The following TNS1 variants were observed in gnomAD, a reference collection of about 807,000 sequenced individuals.
The protein encoded by TNS1 is tensin 1.
TNS1 carries 62 observed loss-of-function variants against 168.6 expected under a neutral mutation model. The ratio of observed to expected loss-of-function variants is 0.37; its 90% confidence interval spans 0.30 to 0.45. The LOEUF (loss-of-function observed/expected upper bound fraction) is 0.45, where lower values mean the gene tolerates loss of function less well. Among genes scored for constraint, TNS1 ranks in the 20% least tolerant of loss-of-function variants. TNS1 has a pLI of 1.00. For synonymous variants in TNS1, 934 were observed against 933.2 expected, an observed-to-expected ratio of 1.00 and a Z score of -0.02; for missense variants, 2,240 against 2,339.4, an observed-to-expected ratio of 0.96 and a Z score of 0.88.
At chr2:217,852,805 G>A (rs553636563) in intron 18 of TNS1, among the ~76,000 whole-genome samples, 2 of 152,160 alleles carry the variant, frequency 1.3e-5, no homozygotes, top group East Asian at 1.9e-4. Context: ...TAAGAAAATC[G>A]AACAGATGCA....
In TNS1 at chr2:217,818,609, G is replaced by C. The variant is rs1432456407; in HGVS notation, c.3723C>G (p.Leu1241=). 1 of 1,614,228 alleles carries C rather than the reference G, an allele frequency of 6.2e-7. No homozygotes were observed. Among genetic ancestry groups the C allele is most frequent in the South Asian group, 1.1e-5 (1 of 91,088 alleles). ...AQRNYQSSSP[L]PTVGSSYSSP... is the part of the protein sequence containing the mutation. ...TGCTGTAGCTACTGCCCACAGTCGG[G>C]AGAGGAGAAGAGCTCTGGTAGTTTC... is the stretch of plus-strand genomic sequence containing the variant. The change falls in exon 24 of 33, where the codon CTC becomes CTG. Residue 1241 remains leucine (L), a synonymous_variant. Transcript: ENST00000682258.
chr2:217,879,372 A>G, intron 18 of TNS1: 1 of 437,182 alleles, frequency 2.3e-6, no homozygotes, highest in Non-Finnish European at 4.6e-6. Context: ...AGCCACTGAA[A>G]CCTCAGAACA....
intron 1 of TNS1, among the ~76,000 whole-genome samples, chr2:218,008,079 C>T (rs115509150): frequency 0.014 from 2,101 of 152,284 alleles, 54 homozygotes; most frequent in African/African-American, 0.047. Context: ...GTGTGAGCCT[C>T]AGTATCCCCA....
chr2:217,938,748 A>G (rs1379769399), intron 3 of TNS1, among the ~76,000 whole-genome samples: 1 of 152,202 alleles, frequency 6.6e-6, no homozygotes. Context: ...CTGGTTTATA[A>G]TAATGCATCT....
Position 217,886,565 on chromosome 2 carries a change from C to A in TNS1, c.948G>T (p.Met316Ile). The A allele has an allele frequency of 6.2e-7, 1 of 1,604,880 alleles. No homozygotes were observed. Among genetic ancestry groups the A allele is most frequent in the Non-Finnish European group, 8.5e-7 (1 of 1,176,138 alleles). The change falls in exon 13 of 33, where the codon ATG (methionine) becomes ATT (isoleucine). Residue 316 changes from methionine to isoleucine, a missense_variant. Physicochemically the swap from Met to Ile is conservative, Grantham distance 10 (BLOSUM62 1). This residue lies in a region of TNS1 where 2,131 missense variants were observed against 2,171.2 expected (regional missense o/e 0.98). Transcript: ENST00000682258. ...TAGACTCAAAGTTGGGGATGCCGTG[C>A]ATGATCACGTGGTGCAGAAACAAGG... ...NKPLFLHHVI[M>I]HGIPNFESKG...
At chr2:217,860,359 T>C (rs545237800) in intron 18 of TNS1, among the ~76,000 whole-genome samples, 1 of 152,278 alleles carries the variant, frequency 6.6e-6, no homozygotes, top group East Asian at 1.9e-4. Flanking sequence ...ATGGGACAGC[T>C]CGGTGTCACA....
chr2:217,962,995 G>A lies in TNS1; in HGVS notation c.186+15770C>T, dbSNP rs188382120. 1.1e-4 allele frequency among the ~76,000 whole-genome samples: 16 copies of A among 152,332 alleles called. 1 individual carries two copies. In the East Asian group the frequency reaches 2.1e-3, roughly 20 times the overall value. ...ATGTCAGCATTAGGGGGAGTTGGGT[G>A]AAGGATATAAGGAAACTCTGTACTA... On this transcript the variant is annotated intron_variant, in intron 3 of 32. Coordinates refer to ENST00000682258, the MANE Select transcript of TNS1 (RefSeq NM_001387777.1).
At chr2:217,863,744 G>A (rs909493517) in intron 18 of TNS1, among the ~76,000 whole-genome samples, 1 of 152,182 alleles carries the variant, frequency 6.6e-6, no homozygotes, top group Admixed American at 6.5e-5. Flanking sequence ...AGCCATCAAG[G>A]AAGAGAAAGA....
chr2:217,944,290 G>A (rs1399053115), intron 3 of TNS1, among the ~76,000 whole-genome samples: 1 of 152,226 alleles, frequency 6.6e-6, no homozygotes, highest in Non-Finnish European at 1.5e-5. Flanking sequence ...AGGGAATGTG[G>A]CTGCCCCTCC....
At chr2:217,976,914 C>T (rs1298228866) in intron 3 of TNS1, among the ~76,000 whole-genome samples, 1 of 152,158 alleles carries the variant, frequency 6.6e-6, no homozygotes, top group Non-Finnish European at 1.5e-5. Context: ...GAGAAGGAAG[C>T]ACAAAGGCCC....
rs769109703 is a variant in TNS1, at chr2:217,818,512, C to T, written c.3820G>A (p.Gly1274Ser). 12 of 1,614,126 alleles carry T rather than the reference C, an allele frequency of 7.4e-6. No individual in the cohort carries two copies. The Admixed American group carries it at 1.5e-4, about 20-fold the overall frequency. ...GGGCTCCCAGGCACCGTGTGGACGC[C>T]AGCCACACTGAACTGAGCTCGAGCC... is the stretch of plus-strand genomic sequence containing the variant. Reference protein sequence around the residue: ...SQARAQFSVAGVHTVPGSPQA... With the variant: ...SQARAQFSVASVHTVPGSPQA... The change falls in exon 24 of 33, where the codon GGC becomes AGC. Residue 1274 changes from glycine (G) to serine (S), a missense_variant. By Grantham distance (56) the Gly-to-Ser change is moderately conservative. Transcript: ENST00000682258.
At chr2:217,936,629 C>A (rs541449600) in intron 3 of TNS1, among the ~76,000 whole-genome samples, 1 of 152,238 alleles carries the variant, frequency 6.6e-6, no homozygotes, top group East Asian at 1.9e-4. Context: ...GCCCAAATGC[C>A]CTTCCTAAAT....
intron 3 of TNS1, among the ~76,000 whole-genome samples, chr2:217,939,778 G>A (rs779951220): frequency 8.5e-5 from 13 of 152,326 alleles, no homozygotes; most frequent in East Asian, 1.9e-4. Context: ...CCCTGGAGGC[G>A]GTAGCTCCAA....
chr2:218,031,526 A>G (rs1239159625), intron 1 of TNS1, among the ~76,000 whole-genome samples: 1 of 128,372 alleles, frequency 7.8e-6, no homozygotes, highest in African/African-American at 2.9e-5. Context: ...GTCTTGTGTG[A>G]GTGTGTGTGT....
At chr2:217,902,558 CT>C (rs1378254285) in intron 6 of TNS1, among the ~76,000 whole-genome samples, 4 of 152,160 alleles carry the variant, frequency 2.6e-5, no homozygotes, top group African/African-American at 9.7e-5. Flanking sequence ...CCTGGCTCCC[CT>C]TTCCCCACCG....
At chr2:217,974,764 G>A (rs986004731) in intron 3 of TNS1, among the ~76,000 whole-genome samples, 1 of 152,076 alleles carries the variant, frequency 6.6e-6, no homozygotes, top group Non-Finnish European at 1.5e-5. Context: ...AAGGCAGCAG[G>A]GGTAGAGTTC....
intron 3 of TNS1, among the ~76,000 whole-genome samples, chr2:217,925,036 C>T (rs777985844): frequency 4.6e-5 from 7 of 152,148 alleles, no homozygotes; most frequent in African/African-American, 9.7e-5. Flanking sequence ...TTTATGAATA[C>T]GGTTCATCTG....
intron 3 of TNS1, among the ~76,000 whole-genome samples, chr2:217,937,703 C>T (rs1956695621): frequency 6.6e-6 from 1 of 152,152 alleles, no homozygotes; most frequent in Admixed American, 6.5e-5. Context: ...CCCCCCACCC[C>T]TGCACCTTTC....
At chr2:217,825,084 G>A (rs1000442205) in intron 22 of TNS1, among the ~76,000 whole-genome samples, 5 of 152,142 alleles carry the variant, frequency 3.3e-5, no homozygotes, top group African/African-American at 9.7e-5. Context: ...TGAAACCTAT[G>A]TGAATGACAC....
Sources: gnomAD v4.1 joint callset for allele counts (sites outside exome capture counted in the v4.1 genomes callset) on GRCh38, gnomAD v4.1.1 for gene constraint, gnomAD v4.1.1 regional missense constraint, MANE v1.5 for transcripts, NCBI Gene and HGNC (gene_info 2026-07-23, HGNC 2026-07-21) for gene names.